FANK1: variants seen among roughly 807,000 people sequenced by gnomAD.
FANK1 encodes fibronectin type 3 and ankyrin repeat domains protein 1.
A neutral mutation model predicts 45.3 loss-of-function variants in FANK1; 44 were observed. That is an observed-to-expected ratio of 0.97 (90% CI 0.76 to 1.25). The LOEUF is 1.25. FANK1 is among the 50% of genes most tolerant of loss of function. The pLI is 0.00. For missense variants in FANK1, 391 were observed against 424.4 expected (o/e 0.92, Z 0.69); for synonymous variants, 149 against 152.5 (o/e 0.98, Z 0.17).
rs757485536 is a variant in FANK1 at position 126,009,049 on chromosome 10, T to G, written c.850-5T>G. On this transcript the variant is annotated splice_polypyrimidine_tract_variant and splice_region_variant and intron_variant, in intron 8 of 10. Transcript: ENST00000368693. The stretch of plus-strand genomic sequence containing the variant: ...ATGCACACCACCCTGGGTTTTGTTT[T>G]CTAGGTGGCTGTGTTAAATAATCAT... 1 of 1,613,924 alleles carries G rather than the reference T, an allele frequency of 6.2e-7. No homozygotes were observed. The highest frequency in any genetic ancestry group is 8.5e-7 in the Non-Finnish European group (1 of 1,179,996).
intron 1 of FANK1, among the ~76,000 whole-genome samples, chr10:125,945,297 C>A (rs985198331): frequency 6.6e-6 from 1 of 152,172 alleles, no homozygotes; most frequent in Non-Finnish European, 1.5e-5. Flanking sequence ...CCAGTGTGAG[C>A]GACGCAGAAG....
chr10:126,004,644 T>C, intron 6 of FANK1: 1 of 455,026 alleles, frequency 2.2e-6, no homozygotes, highest in Non-Finnish European at 4.0e-6. Flanking sequence ...GCTGGCATCT[T>C]TCAGCACAGT....
intron 6 of FANK1, chr10:126,004,667 A>G: frequency 1.9e-6 from 1 of 514,886 alleles, no homozygotes; most frequent in Admixed American, 3.3e-5. Context: ...TTCGAGGTTC[A>G]TGCATGTTTG....
intron 6 of FANK1, among the ~76,000 whole-genome samples, chr10:125,998,617 T>A (rs1026897407): frequency 3.9e-5 from 6 of 152,044 alleles, no homozygotes; most frequent in African/African-American, 1.4e-4. Context: ...GATACACCAA[T>A]CTTTTGTAAA....
intron 1 of FANK1, among the ~76,000 whole-genome samples, chr10:125,949,446 A>G (rs1949047865): frequency 6.6e-6 from 1 of 152,220 alleles, no homozygotes; most frequent in African/African-American, 2.4e-5. Flanking sequence ...TCAATGTACA[A>G]AAATCACAAG....
intron 1 of FANK1, among the ~76,000 whole-genome samples, chr10:125,949,708 C>T (rs1949068269): frequency 6.8e-6 from 1 of 147,846 alleles, no homozygotes. Context: ...TTTACAGATT[C>T]AATGCCATCC....
At chr10:125,944,605 G>A (rs1172741726) in intron 1 of FANK1, among the ~76,000 whole-genome samples, 1 of 152,214 alleles carries the variant, frequency 6.6e-6, no homozygotes, top group Non-Finnish European at 1.5e-5. Flanking sequence ...AAGCTGGAAG[G>A]TTGTGGGTTT....
chr10:125,971,780 G>A (rs750633660), intron 1 of FANK1, among the ~76,000 whole-genome samples: 5 of 151,920 alleles, frequency 3.3e-5, no homozygotes, highest in Non-Finnish European at 7.4e-5. Flanking sequence ...CGCTACCACG[G>A]CCGGCTAATT....
At chr10:125,930,073 G>C (rs571168050) in intron 1 of FANK1, among the ~76,000 whole-genome samples, 9 of 151,598 alleles carry the variant, frequency 5.9e-5, no homozygotes, top group Non-Finnish European at 1.3e-4. Context: ...TCTTTTTTTT[G>C]TGACGAGGTC....
chr10:125,996,753 C>A (rs1952362454), intron 5 of FANK1, 129 bp downstream of exon 5: 3 of 793,176 alleles, frequency 3.8e-6, no homozygotes, highest in East Asian at 5.0e-5. Context: ...ATCTCCCAAA[C>A]CGTACCATAT....
intron 7 of FANK1, among the ~76,000 whole-genome samples, chr10:126,005,307 CTTTT>C (rs35163273): frequency 1.6e-5 from 2 of 122,288 alleles, no homozygotes; most frequent in Non-Finnish European, 1.7e-5. Context: ...TACTTTCTTT[CTTTT>C]TTTTTTTTTT....
chr10:125,947,989 C>T (rs1948932994), intron 1 of FANK1, among the ~76,000 whole-genome samples: 1 of 150,548 alleles, frequency 6.6e-6, no homozygotes, highest in African/African-American at 2.4e-5. Flanking sequence ...TACCTGGAAA[C>T]TGAACAACCT....
intron 1 of FANK1, among the ~76,000 whole-genome samples, chr10:125,912,122 G>A (rs1281758058): frequency 1.3e-5 from 2 of 152,162 alleles, no homozygotes; most frequent in African/African-American, 4.8e-5. Context: ...GACATAAGGC[G>A]GGATCAACAA....
intron 1 of FANK1, among the ~76,000 whole-genome samples, chr10:125,951,409 G>T (rs938427645): frequency 6.6e-6 from 1 of 151,780 alleles, no homozygotes; most frequent in African/African-American, 2.4e-5. Context: ...TTTGGAGGCA[G>T]AAAAATTTGC....
At chr10:125,917,834 A>G (rs567198041) in intron 1 of FANK1, among the ~76,000 whole-genome samples, 54 of 152,414 alleles carry the variant, frequency 3.5e-4, no homozygotes, top group African/African-American at 1.2e-3. Context: ...TGTAATCCCA[A>G]CATCTTGGAA....
At chr10:126,008,938 T>C (rs1953444167) in intron 8 of FANK1, 116 bp from the exon 9 acceptor site, 1 of 898,154 alleles carries the variant, frequency 1.1e-6, no homozygotes, top group African/African-American at 1.7e-5. Context: ...GCCACAGTGG[T>C]CTTTTGGGGT....
At chr10:125,956,112 G>A (rs1417769836) in intron 1 of FANK1, among the ~76,000 whole-genome samples, 1 of 147,300 alleles carries the variant, frequency 6.8e-6, no homozygotes, top group Non-Finnish European at 1.5e-5. Flanking sequence ...TCACAGTTTG[G>A]CTGAAAGGCG....
At chr10:126,007,225 G>C (rs1392923798) in intron 7 of FANK1, 1 of 152,154 alleles carries the variant, frequency 6.6e-6, no homozygotes, top group African/African-American at 2.4e-5. Flanking sequence ...CTTGGCGACT[G>C]ACTTATTCAT....
At chr10:125,937,127 CAT>C (rs1259351418) in intron 1 of FANK1, among the ~76,000 whole-genome samples, 2 of 151,910 alleles carry the variant, frequency 1.3e-5, no homozygotes, top group Non-Finnish European at 2.9e-5. Flanking sequence ...TGTTGGTAAA[CAT>C]ATGTATGTAT....
Sources: gnomAD v4.1 joint callset for allele counts (sites outside exome capture counted in the v4.1 genomes callset) on GRCh38, gnomAD v4.1.1 for gene constraint, MANE v1.5 for transcripts, NCBI Gene and HGNC (gene_info 2026-07-23, HGNC 2026-07-21) for gene names.